NFKB2: variants seen among roughly 807,000 people sequenced by gnomAD.
NFKB2 encodes the protein nuclear factor NF-kappa-B p100 subunit.
Under a neutral mutation model 109.3 loss-of-function variants are expected in NFKB2, and 21 were observed. The ratio of observed to expected loss-of-function variants is 0.19; its 90% CI spans 0.14 to 0.28. The LOEUF (loss-of-function observed/expected upper bound fraction) is 0.28, where lower values mean the gene tolerates loss of function less well. Ranked by LOEUF, NFKB2 falls within the 10% of genes least tolerant of loss-of-function variation. NFKB2 has a pLI of 1.00. For synonymous variants in NFKB2, 478 were observed against 489.9 expected (o/e 0.98, Z 0.32); for missense variants, 806 against 1,185.3 (o/e 0.68, Z 4.70).
rs141857360 is a variant in NFKB2, at chr10:102,398,752, G to A, written c.1005G>A (p.Val335=). 1 of 1,612,458 alleles carries A rather than the reference G, an allele frequency of 6.2e-7. No homozygotes were observed. The highest frequency in any genetic ancestry group is 1.7e-5 in the Admixed American group (1 of 60,024). Residue 335 remains valine (V), a synonymous_variant, in exon 12 of 23, where the codon GTG becomes GTA. Coordinates refer to ENST00000661543, the MANE Select transcript of NFKB2 (RefSeq NM_001322934.2). This position sits in a 1 kb window ranked among gnomAD's most constrained non-coding sequence, Gnocchi z 6.6. ...YYPLVEDKEE[V]QRKRRKALPT... ...CTCTGCCCCCAGACAAGGAAGAGGT[G>A]CAGCGGAAGCGGAGGAAGGCCTTGC...
rs200214060 is a variant in NFKB2 at position 102,401,413 on chromosome 10, G to C, written c.2224-36G>C. 3 of 1,613,812 alleles carry C rather than the reference G, an allele frequency of 1.9e-6. No individual in the cohort carries two copies. Among genetic ancestry groups the C allele is most frequent in the Middle Eastern group, 1.7e-4 (1 of 6,060 alleles). ...CTTAAAGACACAGGCTTAAGGACGA[G>C]GTGGGAGGTAGTCAGAACTGCGGCT... is the stretch of plus-strand genomic sequence containing the variant. On this transcript the variant is annotated intron_variant, in intron 19 of 22. Transcript: ENST00000661543. This position sits in a 1 kb window ranked among gnomAD's most constrained non-coding sequence, Gnocchi z 4.2.
At position 102,401,999 on chromosome 10, in the gene NFKB2, G is replaced by C; in HGVS notation, c.2467-49G>C. Reference sequence around the variant, plus strand: ...GTGCCTCCTTGGCCCCAGGGCTCCCGAGCACATGCCCTAACCATGACTCAG... The same window carrying C: ...GTGCCTCCTTGGCCCCAGGGCTCCCCAGCACATGCCCTAACCATGACTCAG... On this transcript the variant is annotated intron_variant, in intron 21 of 22. Transcript: ENST00000661543. The surrounding 1 kb of genome is among the most constrained non-coding windows in gnomAD (Gnocchi z 4.2). 6.3e-7 allele frequency: 1 copy of C among 1,578,192 alleles called. No homozygotes were observed. Among genetic ancestry groups the C allele is most frequent in the Non-Finnish European group, 8.6e-7 (1 of 1,160,744 alleles).
At position 102,397,992 on chromosome 10, in the gene NFKB2, G is replaced by A; in HGVS notation, c.673G>A (p.Ala225Thr). 6.2e-7 allele frequency: 1 copy of A among 1,614,110 alleles called. No individual in the cohort carries two copies. The highest frequency in any genetic ancestry group is 8.5e-7 in the Non-Finnish European group (1 of 1,179,978). ...QPIHDSKSPG[A>T]SNLKISRMDK... is the part of the protein sequence containing the mutation. ...ATCCCACTCCATAGAATCTCCGGGGGCATCAAACCTGAAGATTTCTCGAAT... is the reference window on the plus strand; with the variant it reads ...ATCCCACTCCATAGAATCTCCGGGGACATCAAACCTGAAGATTTCTCGAAT... Residue 225 changes from alanine to threonine, a missense_variant, in exon 9 of 23, where the codon GCA (alanine) becomes ACA (threonine). Transcript: ENST00000661543. The surrounding 1 kb of genome is among the most constrained non-coding windows in gnomAD (Gnocchi z 4.7).
chr10:102,399,803 A>T, intron 14 of NFKB2, 85 bp downstream of exon 14: 1 of 1,427,342 alleles, frequency 7.0e-7, no homozygotes. Flanking sequence ...CAGTTTTCGG[A>T]CACGCCAGGC....
In NFKB2 at chr10:102,401,734, G is replaced by A. The variant is rs746620448; in HGVS notation, c.2294-11G>A. On this transcript the variant is annotated splice_polypyrimidine_tract_variant and intron_variant, in intron 20 of 22. Coordinates refer to ENST00000661543, the MANE Select transcript of NFKB2 (RefSeq NM_001322934.2). This position sits in a 1 kb window ranked among gnomAD's most constrained non-coding sequence, Gnocchi z 4.2. Reference sequence around the variant, plus strand: ...AGGTAAATGACATGTCTGTATGTGTGTCCCCCTAAGGGCCGGGACTGTCAC... The same window carrying A: ...AGGTAAATGACATGTCTGTATGTGTATCCCCCTAAGGGCCGGGACTGTCAC... 15 of 1,588,830 alleles carry A rather than the reference G, an allele frequency of 9.4e-6. 1 individual carries two copies. In the East Asian group the frequency reaches 3.1e-4, roughly 33 times the overall value.
At position 102,402,168 on chromosome 10, in the gene NFKB2, G is replaced by T. The variant is rs1211888504; in HGVS notation, c.2578+9G>T. On this transcript the variant is annotated intron_variant, in intron 22 of 22. Transcript: ENST00000661543. The stretch of plus-strand genomic sequence containing the variant: ...CAAGCTGCCCAGCACAGGTAAAGGG[G>T]CCTCCCTGGAAGGTGGATCTGGACC... The T allele has an allele frequency of 6.4e-7, 1 of 1,563,360 alleles. No homozygotes were observed. Among genetic ancestry groups the T allele is most frequent in the East Asian group, 2.4e-5 (1 of 41,918 alleles).
At chr10:102,394,716 C>G (rs2061068663), upstream of NFKB2, 1 of 152,696 alleles carries the variant, frequency 6.5e-6, no homozygotes, top group South Asian at 2.1e-4. Flanking sequence ...CCGGAAAGGG[C>G]GCGCAGGCGA....
Position 102,402,330 on chromosome 10 carries a change from C to T in NFKB2, c.2657C>T (p.Pro886Leu). Reference sequence around the variant, plus strand: ...GAGAAGCTGGGCCCACCCCCTGAGCCACCAGGAGGGCTCTGCCACGGGCAC... The same window carrying T: ...GAGAAGCTGGGCCCACCCCCTGAGCTACCAGGAGGGCTCTGCCACGGGCAC... ...EAEKLGPPPE[P>L]PGGLCHGHPQ... Residue 886 changes from proline to leucine, a missense_variant, in exon 23 of 23, where the codon CCA (proline) becomes CTA (leucine). This residue lies in a region of NFKB2 where 211 missense variants were observed against 268.7 expected (regional missense o/e 0.79). Transcript: ENST00000661543. 1 of 1,571,844 alleles carries T rather than the reference C, an allele frequency of 6.4e-7. No homozygotes were observed. The highest frequency in any genetic ancestry group is 8.6e-7 in the Non-Finnish European group (1 of 1,158,986).
At position 102,397,308 on chromosome 10, in the gene NFKB2, C is replaced by T. The variant is rs1815693368; in HGVS notation, c.402C>T (p.Asn134=). The T allele has an allele frequency of 6.2e-7, 1 of 1,614,042 alleles. No homozygotes were observed. The highest frequency in any genetic ancestry group is 8.5e-7 in the Non-Finnish European group (1 of 1,179,896). Residue 134 remains asparagine, a synonymous_variant, in exon 7 of 23, where the codon AAC becomes AAT. Transcript: ENST00000661543. This position sits in a 1 kb window ranked among gnomAD's most constrained non-coding sequence, Gnocchi z 4.7. ...TCCGATTCTCTCTTCTCAGATTTAA[C>T]AACCTGGGTGTCCTGCATGTGACTA... ...VGPKDMTAQF[N]NLGVLHVTKK... is the part of the protein sequence containing the mutation.
chr10:102,396,012 G>A lies in NFKB2; in HGVS notation c.21+32G>A, dbSNP rs763484154. On this transcript the variant is annotated intron_variant, in intron 2 of 22. Transcript: ENST00000661543. The surrounding 1 kb of genome is among the most constrained non-coding windows in gnomAD (Gnocchi z 5.9). ...CATGCCGCCTGCCCCTGACCCGGCC[G>A]GCTGCCCCTCGTGTCTGTCCACCTG... 1 of 1,611,430 alleles carries A rather than the reference G, an allele frequency of 6.2e-7. No homozygotes were observed. Among genetic ancestry groups the A allele is most frequent in the South Asian group, 1.1e-5 (1 of 91,086 alleles).
upstream of NFKB2, among the ~76,000 whole-genome samples, chr10:102,395,259 C>T (rs2061083459): frequency 1.3e-5 from 2 of 152,196 alleles, no homozygotes; most frequent in Admixed American, 1.3e-4. Context: ...GAATCGCGTT[C>T]TCGGGGCAGA....
At position 102,398,562 on chromosome 10, in the gene NFKB2, G is replaced by A; in HGVS notation, c.991+39G>A. On this transcript the variant is annotated intron_variant, in intron 11 of 22. Coordinates refer to ENST00000661543, the MANE Select transcript of NFKB2 (RefSeq NM_001322934.2). The surrounding 1 kb of genome is among the most constrained non-coding windows in gnomAD (Gnocchi z 6.6). ...GAGGACCTCAGGGTGCTGGCGGGGG[G>A]CCAGGCTGGGCTAGAAGAAGGTCCC... The A allele has an allele frequency of 1.2e-6, 2 of 1,609,576 alleles. No individual in the cohort carries two copies. Among genetic ancestry groups the A allele is most frequent in the South Asian group, 1.1e-5 (1 of 90,676 alleles).
At position 102,396,111 on chromosome 10, in the gene NFKB2, G is replaced by A. The variant is rs2061105701; in HGVS notation, c.21+131G>A. On this transcript the variant is annotated intron_variant, in intron 2 of 22. Transcript: ENST00000661543. The surrounding 1 kb of genome is among the most constrained non-coding windows in gnomAD (Gnocchi z 5.9). ...TCTCAGCCTGCCAGTCTGTCCATCTGTCTGCAACTCTGCCTCCAAAAGGAG... is the reference window on the plus strand; with the variant it reads ...TCTCAGCCTGCCAGTCTGTCCATCTATCTGCAACTCTGCCTCCAAAAGGAG... 10 of 1,468,548 alleles carry A rather than the reference G, an allele frequency of 6.8e-6. No individual in the cohort carries two copies. The South Asian group carries it at 1.1e-4, about 17-fold the overall frequency. The allele number at this position is 1,468,548 out of a possible 1,614,324, so 91.0% of individuals were successfully genotyped here. A position where few individuals can be genotyped will look rare whatever the true frequency, so the allele number is the denominator to read the frequency against.
Position 102,401,729 on chromosome 10 carries a change from T to C in NFKB2, c.2294-16T>C, listed in dbSNP as rs779189452. ...TCTGGAGGTAAATGACATGTCTGTA[T>C]GTGTGTCCCCCTAAGGGCCGGGACT... On this transcript the variant is annotated splice_polypyrimidine_tract_variant and intron_variant, in intron 20 of 22. Coordinates refer to ENST00000661543, the MANE Select transcript of NFKB2 (RefSeq NM_001322934.2). The surrounding 1 kb of genome is among the most constrained non-coding windows in gnomAD (Gnocchi z 4.2). The C allele has an allele frequency of 2.5e-6, 4 of 1,587,006 alleles. No homozygotes were observed. In the Admixed American group the frequency reaches 7.0e-5, roughly 28 times the overall value.
In NFKB2 at chr10:102,398,072, C is replaced by A. The variant is rs1310245247; in HGVS notation, c.753C>A (p.Asp251Glu). 1 of 1,613,992 alleles carries A rather than the reference C, an allele frequency of 6.2e-7. No homozygotes were observed. Among genetic ancestry groups the A allele is most frequent in the Non-Finnish European group, 8.5e-7 (1 of 1,180,008 alleles). The stretch of plus-strand genomic sequence containing the variant: ...GAGATGAAGTTTATCTGCTTTGTGA[C>A]AAGGTGCAGAAAGGTGAGACTGGAG... ...RGGDEVYLLC[D>E]KVQKDDIEVR... is the part of the protein sequence containing the mutation. Residue 251 changes from aspartate (D) to glutamate (E), a missense_variant, in exon 9 of 23, where the codon GAC (aspartate) becomes GAA (glutamate). Around this residue, in one of 10 missense-constraint regions of NFKB2, gnomAD observed 64 missense variants for 177.4 expected, o/e 0.36. Coordinates refer to ENST00000661543, the MANE Select transcript of NFKB2 (RefSeq NM_001322934.2). This position sits in a 1 kb window ranked among gnomAD's most constrained non-coding sequence, Gnocchi z 6.6.
Position 102,397,929 on chromosome 10 carries a change from A to G in NFKB2, c.662-52A>G, listed in dbSNP as rs1353334000. ...GAATACAAAGCCCCCAGCTTCTTAA[A>G]TGTGGCCTTGGCTATTGCATCATCT... On this transcript the variant is annotated intron_variant, in intron 8 of 22. Coordinates refer to ENST00000661543, the MANE Select transcript of NFKB2 (RefSeq NM_001322934.2). This position sits in a 1 kb window ranked among gnomAD's most constrained non-coding sequence, Gnocchi z 4.7. The G allele has an allele frequency of 6.4e-7, 1 of 1,569,564 alleles. No individual in the cohort carries two copies. Among genetic ancestry groups the G allele is most frequent in the East Asian group, 2.2e-5 (1 of 44,514 alleles).
rs184951692 is a variant in NFKB2, at chr10:102,400,519, G to A, written c.1798+28G>A. 13 of 1,588,426 alleles carry A rather than the reference G, an allele frequency of 8.2e-6. No homozygotes were observed. In the East Asian group the frequency reaches 2.8e-4, roughly 34 times the overall value. ...GAGCTCCCCATCTCACCTGACTAAG[G>A]GGGCAGGCGGGGACCAGGGAGGGTA... On this transcript the variant is annotated intron_variant, in intron 16 of 22. Transcript: ENST00000661543. The surrounding 1 kb of genome is among the most constrained non-coding windows in gnomAD (Gnocchi z 6.3).
chr10:102,397,763 AACAG>A lies in NFKB2; in HGVS notation c.661+81_661+84del. Reference sequence around the variant, plus strand: ...GGGGTGACCTCAAGCTGTGCAGTCAAACAGACCCAGGTTTCAGAACCTGGCCCTG... The same window carrying A: ...GGGGTGACCTCAAGCTGTGCAGTCAAACCCAGGTTTCAGAACCTGGCCCTG... On this transcript the variant is annotated intron_variant, in intron 8 of 22. Coordinates refer to ENST00000661543, the MANE Select transcript of NFKB2 (RefSeq NM_001322934.2). The surrounding 1 kb of genome is among the most constrained non-coding windows in gnomAD (Gnocchi z 4.7). 3.9e-6 allele frequency: 6 copies of A among 1,533,152 alleles called. No homozygotes were observed. Among genetic ancestry groups the A allele is most frequent in the Non-Finnish European group, 5.3e-6 (6 of 1,128,550 alleles). 95.0% of individuals were successfully genotyped at this position (1,533,152 alleles called of 1,614,324 possible). A position where few individuals can be genotyped will look rare whatever the true frequency, so the allele number is the denominator to read the frequency against.
chr10:102,401,065 A>G lies in NFKB2; in HGVS notation c.2071+16A>G. On this transcript the variant is annotated intron_variant, in intron 18 of 22. Transcript: ENST00000661543. The surrounding 1 kb of genome is among the most constrained non-coding windows in gnomAD (Gnocchi z 4.2). Reference sequence around the variant, plus strand: ...CTGAAGGCTGGTCAGTCTCACCCTCAGGGGCACTTGAACAGGGTGGGGGGA... The same window carrying G: ...CTGAAGGCTGGTCAGTCTCACCCTCGGGGGCACTTGAACAGGGTGGGGGGA... 1 of 1,613,964 alleles carries G rather than the reference A, an allele frequency of 6.2e-7. No homozygotes were observed.
Sources: allele counts gnomAD v4.1 joint callset (sites outside exome capture counted in the v4.1 genomes callset), GRCh38; gene constraint gnomAD v4.1.1; regional missense constraint gnomAD v4.1.1; non-coding constraint Gnocchi (gnomAD v3.1); transcripts MANE v1.5; gene names NCBI Gene and HGNC (gene_info 2026-07-23, HGNC 2026-07-21).